The following AGTPBP1 variants were observed in gnomAD, a reference collection of about 807,000 sequenced individuals.
AGTPBP1 encodes cytosolic carboxypeptidase 1.
Under a neutral mutation model 143.9 loss-of-function variants are expected in AGTPBP1, and 70 were observed. The ratio of observed to expected loss-of-function variants is 0.49; its 90% CI spans 0.40 to 0.59. The LOEUF is 0.59. Ranked by LOEUF, AGTPBP1 falls within the 20% of genes least tolerant of loss-of-function variation. The probability of loss-of-function intolerance (pLI) is 0.00; values close to 1 mark genes in which losing one functional copy is unlikely to be tolerated. For missense variants in AGTPBP1, 1,229 were observed against 1,464.5 expected (o/e 0.84, Z 2.62); for synonymous variants, 463 against 500.2 (o/e 0.93, Z 0.99).
Position 85,672,686 on chromosome 9 carries a change from T to TA in AGTPBP1, c.437-6_437-5insT. Reference sequence around the variant, plus strand: ...CCTTTACTCCAAATTTTTTATCTGTTTAAAAAAAAAAAAGACAATTTATGC... The same window carrying TA: ...CCTTTACTCCAAATTTTTTATCTGTTATAAAAAAAAAAAAGACAATTTATGC... On this transcript the variant is annotated splice_polypyrimidine_tract_variant and splice_region_variant and intron_variant, in intron 6 of 25. Transcript: ENST00000357081. The TA allele has an allele frequency of 1.3e-6, 2 of 1,571,556 alleles. No homozygotes were observed. Among genetic ancestry groups the TA allele is most frequent in the Non-Finnish European group, 1.7e-6 (2 of 1,164,126 alleles).
upstream of AGTPBP1, among the ~76,000 whole-genome samples, chr9:85,746,341 A>C (rs1824579879): frequency 6.6e-6 from 1 of 152,012 alleles, no homozygotes; most frequent in Non-Finnish European, 1.5e-5. Context: ...CTGTGTCCTA[A>C]ATTCTTTCTT....
chr9:85,693,035 C>A (rs1835983141), intron 2 of AGTPBP1, among the ~76,000 whole-genome samples: 1 of 152,170 alleles, frequency 6.6e-6, no homozygotes, highest in Non-Finnish European at 1.5e-5. Context: ...CAGAAAACCA[C>A]AAATCACAAA....
chr9:85,794,739 C>T, the AGTPBP1 span, among the ~76,000 whole-genome samples: 1 of 152,150 alleles, frequency 6.6e-6, no homozygotes, highest in Non-Finnish European at 1.5e-5. Flanking sequence ...TTGGGGAGTA[C>T]TGCCATCTTA....
At chr9:85,652,611 C>T (rs1052398082) in intron 11 of AGTPBP1, among the ~76,000 whole-genome samples, 2 of 152,310 alleles carry the variant, frequency 1.3e-5, no homozygotes, top group South Asian at 4.1e-4. Flanking sequence ...GGAAGCCCCA[C>T]ACCCCTTCTC....
chr9:85,669,890 T>C (rs1366912139), intron 7 of AGTPBP1, among the ~76,000 whole-genome samples: 2 of 151,648 alleles, frequency 1.3e-5, no homozygotes, highest in African/African-American at 2.4e-5. Context: ...CACCAGGTTA[T>C]GGGGATTCCG....
chr9:85,776,143 C>T, the AGTPBP1 span, among the ~76,000 whole-genome samples: 2 of 152,140 alleles, frequency 1.3e-5, no homozygotes, highest in Non-Finnish European at 2.9e-5. Context: ...AATGCTATTA[C>T]ATAAAGTTAA....
At chr9:85,800,899 C>T in the AGTPBP1 span, among the ~76,000 whole-genome samples, 19 of 151,732 alleles carry the variant, frequency 1.3e-4, no homozygotes, top group African/African-American at 4.6e-4. Context: ...TCTTATATAA[C>T]ATGGTACATC....
At chr9:85,667,348 C>T (rs1834190911) in intron 8 of AGTPBP1, among the ~76,000 whole-genome samples, 1 of 151,948 alleles carries the variant, frequency 6.6e-6, no homozygotes, top group Non-Finnish European at 1.5e-5. Context: ...ATGTCCTGAA[C>T]CCTATTTAAG....
At chr9:85,759,962 A>G in the AGTPBP1 span, among the ~76,000 whole-genome samples, 2 of 152,204 alleles carry the variant, frequency 1.3e-5, no homozygotes, top group Admixed American at 6.5e-5. Context: ...ACAGAAATAC[A>G]AACTACCATC....
chr9:85,657,960 T>C (rs1833633219), intron 9 of AGTPBP1, among the ~76,000 whole-genome samples: 1 of 152,140 alleles, frequency 6.6e-6, no homozygotes, highest in Non-Finnish European at 1.5e-5. Flanking sequence ...ATTTTACAAT[T>C]TATGAATATA....
At chr9:85,639,365 G>GCA (rs1464649514) in intron 13 of AGTPBP1, among the ~76,000 whole-genome samples, 4 of 105,586 alleles carry the variant, frequency 3.8e-5, no homozygotes, top group Non-Finnish European at 7.5e-5. Context: ...GCGCGCGCAC[G>GCA]CGCACACACA....
At chr9:85,802,045 C>A in the AGTPBP1 span, among the ~76,000 whole-genome samples, 1 of 152,084 alleles carries the variant, frequency 6.6e-6, no homozygotes, top group African/African-American at 2.4e-5. Flanking sequence ...GGATCTTGTA[C>A]CCTCTGGTAC....
chr9:85,780,667 G>C, the AGTPBP1 span, among the ~76,000 whole-genome samples: 6 of 152,132 alleles, frequency 3.9e-5, no homozygotes, highest in Admixed American at 2.0e-4. Flanking sequence ...GGGTTGGTAG[G>C]GGGTAGGATG....
intron 2 of AGTPBP1, among the ~76,000 whole-genome samples, chr9:85,703,311 T>G (rs367657722): frequency 2.1e-4 from 32 of 152,228 alleles, no homozygotes; most frequent in African/African-American, 7.0e-4. Flanking sequence ...ATACAATTTT[T>G]AAAGGCCTCC....
chr9:85,547,379 C>A, intron 25 of AGTPBP1, 93 bp from the exon 26 acceptor site: 1 of 1,084,718 alleles, frequency 9.2e-7, no homozygotes, highest in Non-Finnish European at 1.2e-6. Context: ...ACTTTGATTC[C>A]AATATAATAT....
At chr9:85,729,458 T>C (rs1223016186) in intron 1 of AGTPBP1, among the ~76,000 whole-genome samples, 1 of 152,198 alleles carries the variant, frequency 6.6e-6, no homozygotes, top group African/African-American at 2.4e-5. Context: ...TGCTCAGCAC[T>C]GGTCTTGGCA....
chr9:85,569,636 TAAG>T (rs1827334291), intron 25 of AGTPBP1, among the ~76,000 whole-genome samples: 1 of 152,140 alleles, frequency 6.6e-6, no homozygotes, highest in Non-Finnish European at 1.5e-5. Flanking sequence ...AATTTACATT[TAAG>T]AAGCAGCGTG....
chr9:85,576,580 T>C (rs1827916603), intron 24 of AGTPBP1, among the ~76,000 whole-genome samples: 2 of 152,138 alleles, frequency 1.3e-5, no homozygotes, highest in African/African-American at 4.8e-5. Flanking sequence ...AATTAGTTCA[T>C]AGACAATAAA....
the AGTPBP1 span, among the ~76,000 whole-genome samples, chr9:85,793,101 G>A: frequency 2.0e-5 from 3 of 152,110 alleles, no homozygotes; most frequent in African/African-American, 4.8e-5. Context: ...AGCCATAGAA[G>A]TGCTTCATGA....
Sources: gnomAD v4.1 joint callset for allele counts (sites outside exome capture counted in the v4.1 genomes callset) on GRCh38, gnomAD v4.1.1 for gene constraint, MANE v1.5 for transcripts, NCBI Gene and HGNC (gene_info 2026-07-23, HGNC 2026-07-21) for gene names.